ADAM28: variants seen among roughly 807,000 people sequenced by gnomAD.
ADAM28 encodes disintegrin and metalloproteinase domain-containing protein 28.
A neutral mutation model predicts 101.2 loss-of-function variants in ADAM28; 105 were observed. The observed-to-expected ratio is 1.04, with a 90% confidence interval of 0.89 to 1.22. The LOEUF is 1.22. Among genes scored for constraint, ADAM28 ranks in the 50% most tolerant of loss-of-function variants. The probability of loss-of-function intolerance (pLI) is 0.00; values close to 1 mark genes in which losing one functional copy is unlikely to be tolerated. For missense variants in ADAM28, 1,028 were observed against 945.4 expected, an observed-to-expected ratio of 1.09 and a Z score of -1.15; for synonymous variants, 322 against 310.6, an observed-to-expected ratio of 1.04 and a Z score of -0.39.
chr8:24,320,206 G>A lies in ADAM28; in HGVS notation c.577-30G>A, dbSNP rs140515985. Reference sequence around the variant, plus strand: ...AAGAACTTTTGCAGAAAACAATATTGTATCAGTAATTCTACTCTTTATATT... The same window carrying A: ...AAGAACTTTTGCAGAAAACAATATTATATCAGTAATTCTACTCTTTATATT... On this transcript the variant is annotated intron_variant, in intron 6 of 22. Coordinates refer to ENST00000265769, the MANE Select transcript of ADAM28 (RefSeq NM_014265.6). 3.7e-5 allele frequency: 54 copies of A among 1,456,626 alleles called. No homozygotes were observed. The East Asian group carries it at 9.9e-4, about 27-fold the overall frequency. 90.2% of individuals were successfully genotyped at this position (1,456,626 alleles called of 1,614,324 possible). A position where few individuals can be genotyped will look rare whatever the true frequency, so the allele number is the denominator to read the frequency against.
intron 10 of ADAM28, among the ~76,000 whole-genome samples, chr8:24,327,711 A>G (rs539979993): frequency 1.4e-4 from 22 of 152,264 alleles, no homozygotes; most frequent in African/African-American, 4.6e-4. Flanking sequence ...GGAACAGAAC[A>G]GAGGCCTCAG....
chr8:24,311,501 A>G (rs1810455703), intron 5 of ADAM28, 64 bp downstream of exon 5: 2 of 1,275,970 alleles, frequency 1.6e-6, no homozygotes, highest in East Asian at 2.4e-5. Flanking sequence ...TATCTAACCA[A>G]CCAGATGAAT....
intron 10 of ADAM28, among the ~76,000 whole-genome samples, chr8:24,327,386 G>A (rs972047919): frequency 1.3e-5 from 2 of 151,966 alleles, no homozygotes; most frequent in South Asian, 4.1e-4. Flanking sequence ...AAGGAAGTAA[G>A]AAAGGACACT....
chr8:24,353,577 C>A (rs1262204333), intron 21 of ADAM28, among the ~76,000 whole-genome samples, 193 bp from the exon 22 acceptor site: 1 of 152,054 alleles, frequency 6.6e-6, no homozygotes, highest in African/African-American at 2.4e-5. Flanking sequence ...AGTCAACGGG[C>A]TTGGAGTGGT....
chr8:24,335,183 C>CTGTACTTTTCTACATTAT (rs1215723837), intron 13 of ADAM28, among the ~76,000 whole-genome samples: 1 of 151,140 alleles, frequency 6.6e-6, no homozygotes, highest in Non-Finnish European at 1.5e-5. Flanking sequence ...TTTTTTCGTC[C>CTGTACTTTTCTACATTAT]TGTACTTTTC....
chr8:24,350,910 T>A (rs1039827499), intron 19 of ADAM28, among the ~76,000 whole-genome samples: 11 of 151,776 alleles, frequency 7.2e-5, no homozygotes, highest in Admixed American at 2.0e-4. Flanking sequence ...AAAGAAAGAC[T>A]TATTTACTCA....
chr8:24,321,108 A>T (rs912615596), intron 7 of ADAM28, 110 bp from the exon 8 acceptor site: 2 of 640,120 alleles, frequency 3.1e-6, no homozygotes, highest in Non-Finnish European at 5.4e-6. Flanking sequence ...TCTAATAACT[A>T]ATCTTTAATT....
rs1386482343 is a variant in ADAM28 at position 24,331,159 on chromosome 8, A to G, written c.1113A>G (p.Ile371Met). The G allele has an allele frequency of 6.2e-7, 1 of 1,610,792 alleles. No individual in the cohort carries two copies. The highest frequency in any genetic ancestry group is 1.7e-5 in the Admixed American group (1 of 59,600). Residue 371 changes from isoleucine (I) to methionine (M), a missense_variant, in exon 12 of 23, where the codon ATA becomes ATG. Transcript: ENST00000265769. ...CVMDKALSFY[I>M]PTDFSSCSRL... ...TTCCTTATCTTCACAGCTTCTATAT[A>G]CCCACAGACTTCAGTTCCTGCAGCC...
At chr8:24,324,911 G>C (rs1812343524) in intron 9 of ADAM28, 1 of 151,882 alleles carries the variant, frequency 6.6e-6, no homozygotes, top group African/African-American at 2.4e-5. Context: ...GGTTTTTTAT[G>C]ACCTAACTAC....
intron 2 of ADAM28, among the ~76,000 whole-genome samples, chr8:24,302,442 T>C (rs377010879): frequency 6.2e-4 from 95 of 152,212 alleles, no homozygotes; most frequent in African/African-American, 2.1e-3. Flanking sequence ...TTATATTCCA[T>C]TGGGTATATA....
At position 24,313,562 on chromosome 8, in the gene ADAM28, A is replaced by G. The variant is rs1200140221; in HGVS notation, c.558A>G (p.Leu186=). 3.1e-6 allele frequency: 5 copies of G among 1,613,406 alleles called. No homozygotes were observed. The highest frequency in any genetic ancestry group is 3.4e-6 in the Non-Finnish European group (4 of 1,179,722). ...ACGATTTGCAGCAGAACATTGCCCT[A>G]CCTGCCACCAAACTAGTAGTATGTG... ...WAHDLQQNIA[L]PATKLVKLKD... Residue 186 remains leucine (L), a synonymous_variant, in exon 6 of 23, where the codon CTA becomes CTG. Transcript: ENST00000265769.
Position 24,354,489 on chromosome 8 carries a change from CT to C in ADAM28, c.*86del. 1 of 1,432,294 alleles carries C rather than the reference CT, an allele frequency of 7.0e-7. No homozygotes were observed. The highest frequency in any genetic ancestry group is 2.5e-5 in the East Asian group (1 of 40,794). The allele number at this position is 1,432,294 out of a possible 1,614,324, so 88.7% of individuals were successfully genotyped here. ...GATGGCAGAGAAATATACTATCTAT[CT>C]CACCAGTATTTGCTCTCGACTCAAG... On this transcript the variant is annotated 3_prime_UTR_variant, in exon 23 of 23. Coordinates refer to ENST00000265769, the MANE Select transcript of ADAM28 (RefSeq NM_014265.6).
intron 18 of ADAM28, among the ~76,000 whole-genome samples, chr8:24,346,705 A>ATT (rs1224382568): frequency 2.5e-4 from 38 of 152,220 alleles, no homozygotes; most frequent in African/African-American, 8.9e-4. Context: ...TTACAAAATG[A>ATT]ACGCTCATGT....
At position 24,323,963 on chromosome 8, in the gene ADAM28, C is replaced by A; in HGVS notation, c.850C>A (p.Leu284Ile). The A allele has an allele frequency of 6.2e-7, 1 of 1,612,060 alleles. No homozygotes were observed. Among genetic ancestry groups the A allele is most frequent in the Non-Finnish European group, 8.5e-7 (1 of 1,178,746 alleles). The part of the protein sequence containing the change: ...ENFSKWRGSV[L>I]SRRKRHDIAQ... ...TTTTTCTAAATGGAGGGGGAGTGTT[C>A]TCTCAAGAAGAAAGCGTCATGATAT... The change falls in exon 9 of 23, where the codon CTC becomes ATC. Residue 284 changes from leucine (L) to isoleucine (I), a missense_variant. Physicochemically the swap from Leu to Ile is conservative, Grantham distance 5. Transcript: ENST00000265769.
At chr8:24,334,157 A>G (rs1813712979) in intron 13 of ADAM28, among the ~76,000 whole-genome samples, 1 of 152,180 alleles carries the variant, frequency 6.6e-6, no homozygotes, top group Admixed American at 6.5e-5. Flanking sequence ...TACTATTTAG[A>G]GCAATGATAT....
intron 6 of ADAM28, among the ~76,000 whole-genome samples, chr8:24,314,081 T>C (rs757988615): frequency 5.9e-5 from 9 of 152,170 alleles, no homozygotes; most frequent in Non-Finnish European, 1.3e-4. Flanking sequence ...TTTTCAGCAA[T>C]GTACAAAGGT....
At chr8:24,349,837 T>C in intron 18 of ADAM28, 27 bp from the exon 19 acceptor site, 1 of 1,594,106 alleles carries the variant, frequency 6.3e-7, no homozygotes, top group Non-Finnish European at 8.6e-7. Context: ...TCTGCAGTCC[T>C]CAGCGGGCCC....
chr8:24,305,905 G>A (rs1168445347), intron 2 of ADAM28, among the ~76,000 whole-genome samples: 1 of 151,986 alleles, frequency 6.6e-6, no homozygotes, highest in Non-Finnish European at 1.5e-5. Context: ...TGACACCTTT[G>A]AATTACCCCA....
intron 1 of ADAM28, among the ~76,000 whole-genome samples, chr8:24,297,165 T>C (rs2129228532): frequency 6.7e-6 from 1 of 148,946 alleles, no homozygotes; most frequent in Admixed American, 6.6e-5. Flanking sequence ...GTGGGTTTTT[T>C]TTTGTTGTTG....
Sources: allele counts gnomAD v4.1 joint callset (sites outside exome capture counted in the v4.1 genomes callset), GRCh38; gene constraint gnomAD v4.1.1; transcripts MANE v1.5; gene names NCBI Gene and HGNC (gene_info 2026-07-23, HGNC 2026-07-21).